FRMD3: variants seen among roughly 807,000 people sequenced by gnomAD.
The protein encoded by FRMD3 is FERM domain containing 3.
FRMD3 carries 33 observed loss-of-function variants against 70.2 expected under a neutral mutation model. The observed-to-expected ratio is 0.47, with a 90% CI of 0.36 to 0.63. The LOEUF (loss-of-function observed/expected upper bound fraction) is 0.63, where lower values mean the gene tolerates loss of function less well. Ranked by LOEUF, FRMD3 falls within the 20% of genes least tolerant of loss-of-function variation. The probability of loss-of-function intolerance (pLI) is 0.00; values close to 1 mark genes in which losing one functional copy is unlikely to be tolerated. For synonymous variants in FRMD3, 279 were observed against 255.9 expected (o/e 1.09, Z -0.86); for missense variants, 632 against 711.4 (o/e 0.89, Z 1.27).
chr9:83,248,088 C>G lies in FRMD3; in HGVS notation c.1624G>C (p.Val542Leu), dbSNP rs750676241. 6.2e-7 allele frequency: 1 copy of G among 1,614,166 alleles called. No individual in the cohort carries two copies. The highest frequency in any genetic ancestry group is 8.5e-7 in the Non-Finnish European group (1 of 1,180,026). The stretch of plus-strand genomic sequence containing the variant: ...AAAAGGAGGAGGAGCAGGGGAAATA[C>G]AAAGAGCAGCAGTCCCAGGCCCACC... ...LVVGLGLLLF[V>L]FPLLLLLLES... The change falls in exon 14 of 14, where the codon GTA becomes CTA. Residue 542 changes from valine to leucine, a missense_variant. Val to Leu is a conservative substitution (Grantham distance 32). Transcript: ENST00000304195.
rs566343961 is a variant in FRMD3 at position 83,402,479 on chromosome 9, A to G, written c.148-12771T>C. Among the ~76,000 whole-genome samples, 4 of 151,830 alleles carry G rather than the reference A, an allele frequency of 2.6e-5. No homozygotes were observed. The South Asian group carries it at 8.4e-4, about 32-fold the overall frequency. On this transcript the variant is annotated intron_variant, in intron 1 of 13. Coordinates refer to ENST00000304195, the MANE Select transcript of FRMD3 (RefSeq NM_174938.6). The stretch of plus-strand genomic sequence containing the variant: ...GATGGGGCCAAGCAGCCTAACCAAG[A>G]GTGGATGGATGAATAGTTTATGGAG...
chr9:83,307,734 G>A (rs1835186304), intron 10 of FRMD3, among the ~76,000 whole-genome samples: 1 of 152,076 alleles, frequency 6.6e-6, no homozygotes. Flanking sequence ...TAGTGATAAT[G>A]GCTATATCAC....
the FRMD3 span, among the ~76,000 whole-genome samples, chr9:83,557,297 T>A: frequency 6.6e-6 from 1 of 152,184 alleles, no homozygotes; most frequent in African/African-American, 2.4e-5. Context: ...AATGAAAAAA[T>A]TATTTTTATG....
At chr9:83,435,534 T>C (rs1827107791) in intron 1 of FRMD3, among the ~76,000 whole-genome samples, 1 of 150,722 alleles carries the variant, frequency 6.6e-6, no homozygotes, top group South Asian at 2.1e-4. Context: ...AGGCACAGAG[T>C]CCTTCCCTAA....
chr9:83,560,714 C>T, the FRMD3 span, among the ~76,000 whole-genome samples: 1 of 152,236 alleles, frequency 6.6e-6, no homozygotes, highest in Admixed American at 6.5e-5. Context: ...ATGTGACTAA[C>T]TTCTTACCAA....
At chr9:83,513,218 C>T (rs1249940005) in intron 1 of FRMD3, among the ~76,000 whole-genome samples, 1 of 152,180 alleles carries the variant, frequency 6.6e-6, no homozygotes, top group Non-Finnish European at 1.5e-5. Context: ...GGTCATTTGG[C>T]CACACAAAAC....
At chr9:83,334,996 T>G (rs540188944) in intron 6 of FRMD3, among the ~76,000 whole-genome samples, 1 of 152,298 alleles carries the variant, frequency 6.6e-6, no homozygotes, top group African/African-American at 2.4e-5. Flanking sequence ...GAATGCTCTA[T>G]GCAATTTTGC....
chr9:83,484,491 C>T (rs942294666), intron 1 of FRMD3, among the ~76,000 whole-genome samples: 3 of 152,146 alleles, frequency 2.0e-5, no homozygotes, highest in Non-Finnish European at 2.9e-5. Context: ...GATCTCGGCT[C>T]TCTGTAACTT....
intron 4 of FRMD3, among the ~76,000 whole-genome samples, chr9:83,349,310 C>G (rs1824066971): frequency 6.6e-6 from 1 of 152,128 alleles, no homozygotes; most frequent in South Asian, 2.1e-4. Flanking sequence ...CGATCTTTTC[C>G]CTCCCAGAAA....
At chr9:83,292,444 G>A (rs1297738471) in intron 12 of FRMD3, among the ~76,000 whole-genome samples, 2 of 152,084 alleles carry the variant, frequency 1.3e-5, no homozygotes, top group Non-Finnish European at 2.9e-5. Context: ...ACAGGCTTGA[G>A]CCACTACGCC....
intron 1 of FRMD3, among the ~76,000 whole-genome samples, chr9:83,504,895 T>A (rs1462931131): frequency 1.3e-5 from 2 of 152,212 alleles, no homozygotes; most frequent in Non-Finnish European, 2.9e-5. Context: ...TATTGATAAA[T>A]GAATGAATTA....
In FRMD3 at chr9:83,436,571, C is replaced by CA. The variant is rs1048588859; in HGVS notation, c.148-46864dup. 4.1e-5 allele frequency among the ~76,000 whole-genome samples: 6 copies of CA among 147,154 alleles called. No homozygotes were observed. In the East Asian group the frequency reaches 5.9e-4, roughly 15 times the overall value. ...AGAGATCATTTGAAATATTGCAATTCAAAAAAAAATGTTGCTTATAAACTT... is the reference window on the plus strand; with the variant it reads ...AGAGATCATTTGAAATATTGCAATTCAAAAAAAAAATGTTGCTTATAAACTT... On this transcript the variant is annotated intron_variant, in intron 1 of 13. Coordinates refer to ENST00000304195, the MANE Select transcript of FRMD3 (RefSeq NM_174938.6).
chr9:83,397,798 C>A (rs1344923498), intron 1 of FRMD3, among the ~76,000 whole-genome samples: 5 of 152,152 alleles, frequency 3.3e-5, no homozygotes, highest in Non-Finnish European at 7.4e-5. Flanking sequence ...TCTGGTGATT[C>A]TTCTACCTGG....
chr9:83,298,517 T>C (rs1361072102), intron 12 of FRMD3, among the ~76,000 whole-genome samples: 2 of 152,204 alleles, frequency 1.3e-5, no homozygotes, highest in Non-Finnish European at 2.9e-5. Context: ...ATCCTGCTTG[T>C]TAAGGTGACG....
chr9:83,264,384 T>C (rs963494832), intron 13 of FRMD3, among the ~76,000 whole-genome samples: 8 of 152,204 alleles, frequency 5.3e-5, no homozygotes, highest in African/African-American at 1.9e-4. Context: ...CAGGGGTAGA[T>C]ACATGCCATT....
the FRMD3 span, among the ~76,000 whole-genome samples, chr9:83,578,124 T>C: frequency 6.6e-6 from 1 of 150,978 alleles, no homozygotes; most frequent in African/African-American, 2.4e-5. Flanking sequence ...CATTGAACTA[T>C]GAAGAAATAA....
intron 1 of FRMD3, among the ~76,000 whole-genome samples, chr9:83,430,957 G>C (rs3893398): frequency 0.48 from 73,326 of 152,058 alleles, 18,588 homozygotes; most frequent in African/African-American, 0.66. Flanking sequence ...TCTGACCCCT[G>C]TAGGAATTTG....
At chr9:83,353,574 C>G (rs2131196614) in intron 3 of FRMD3, among the ~76,000 whole-genome samples, 1 of 152,228 alleles carries the variant, frequency 6.6e-6, no homozygotes, top group Middle Eastern at 3.4e-3. Flanking sequence ...GAATGATAAA[C>G]CCCAGGCTCT....
At position 83,401,794 on chromosome 9, in the gene FRMD3, T is replaced by C. The variant is rs568538845; in HGVS notation, c.148-12086A>G. On this transcript the variant is annotated intron_variant, in intron 1 of 13. Coordinates refer to ENST00000304195, the MANE Select transcript of FRMD3 (RefSeq NM_174938.6). ...CTTCGGTTTATTGGCCAAAATAAGA[T>C]ACATATCTTGCCTAACTTCAGAGAG... Among the ~76,000 whole-genome samples the C allele has an allele frequency of 5.3e-5, 8 of 152,326 alleles. No homozygotes were observed. In the South Asian group the frequency reaches 1.4e-3, roughly 28 times the overall value.
Sources: allele counts gnomAD v4.1 joint callset (sites outside exome capture counted in the v4.1 genomes callset), GRCh38; gene constraint gnomAD v4.1.1; transcripts MANE v1.5; gene names NCBI Gene and HGNC (gene_info 2026-07-23, HGNC 2026-07-21).